Variants in NPAS3 observed in about 807,000 individuals in gnomAD.
The protein encoded by NPAS3 is neuronal PAS domain-containing protein 3.
In NPAS3, 14 loss-of-function variants were observed where a neutral mutation model predicts 73.1. The ratio of observed to expected loss-of-function variants is 0.19; its 90% CI spans 0.13 to 0.30. NPAS3 has a LOEUF of 0.30. Ranked by LOEUF, NPAS3 falls within the 10% of genes least tolerant of loss-of-function variation. The pLI is 1.00. For missense variants in NPAS3, 1,096 were observed against 1,250.0 expected, an observed-to-expected ratio of 0.88 and a Z score of 1.86; for synonymous variants, 620 against 541.5, an observed-to-expected ratio of 1.14 and a Z score of -2.01.
intron 5 of NPAS3, among the ~76,000 whole-genome samples, chr14:33,638,162 CTGTT>C (rs569719649): frequency 5.7e-4 from 87 of 152,294 alleles, no homozygotes; most frequent in Non-Finnish European, 1.0e-3. Context: ...GCACTAGTGA[CTGTT>C]TGAATTCGGT....
chr14:33,087,187 TAA>T (rs2042061108), intron 2 of NPAS3, among the ~76,000 whole-genome samples: 1 of 137,570 alleles, frequency 7.3e-6, no homozygotes, highest in Non-Finnish European at 1.6e-5. Context: ...GTATACAATA[TAA>T]TATTGTATAA....
intron 5 of NPAS3, chr14:33,583,525 A>C (rs549154575): frequency 6.6e-6 from 1 of 152,312 alleles, no homozygotes; most frequent in Admixed American, 6.5e-5. Flanking sequence ...TCTATGAAGG[A>C]AAAAGATGAG....
chr14:33,618,477 C>T (rs1355330246), intron 5 of NPAS3, among the ~76,000 whole-genome samples: 1 of 152,012 alleles, frequency 6.6e-6, no homozygotes. Flanking sequence ...GGTCCATGCT[C>T]CTATGAAGAT....
chr14:33,412,830 C>T (rs919994291), intron 4 of NPAS3, among the ~76,000 whole-genome samples: 1 of 152,168 alleles, frequency 6.6e-6, no homozygotes, highest in Non-Finnish European at 1.5e-5. Flanking sequence ...AACCATAACA[C>T]TGCCAGTGCT....
chr14:33,585,807 G>A (rs1304186668), intron 5 of NPAS3, among the ~76,000 whole-genome samples: 1 of 152,156 alleles, frequency 6.6e-6, no homozygotes, highest in East Asian at 1.9e-4. Flanking sequence ...CAAAATGTGG[G>A]CTTGAAAACT....
intron 5 of NPAS3, among the ~76,000 whole-genome samples, chr14:33,665,622 C>T (rs563487283): frequency 2.6e-5 from 4 of 152,168 alleles, no homozygotes; most frequent in East Asian, 1.9e-4. Context: ...ATCTCATGTA[C>T]CCCATGAATA....
rs1233227950 is a variant in NPAS3, at chr14:33,679,533, GAACTCTGAT to G, written c.733+3151_733+3159del. Among the ~76,000 whole-genome samples the G allele has an allele frequency of 6.6e-5, 10 of 152,228 alleles. No individual in the cohort carries two copies. The South Asian group carries it at 1.7e-3, about 25-fold the overall frequency. On this transcript the variant is annotated intron_variant, in intron 6 of 11. Coordinates refer to ENST00000356141, the Ensembl canonical transcript of NPAS3. ...GTTGTTCATTGCATCATAATCTCTT[GAACTCTGAT>G]AAAACACAGATTCTTTTTTAAACGG...
chr14:33,443,210 A>G (rs555276541), intron 4 of NPAS3, among the ~76,000 whole-genome samples: 23 of 152,198 alleles, frequency 1.5e-4, no homozygotes, highest in Admixed American at 3.9e-4. Flanking sequence ...TCTATCGAAT[A>G]TGCTGCTAAA....
chr14:33,800,593 CGGCGGCGGGGGCGGGGGCGGG>C lies in NPAS3; in HGVS notation c.2295_2315del (p.Gly766_Gly772del), dbSNP rs1307773557. On this transcript the variant is annotated inframe_deletion, in exon 12 of 12. Coordinates refer to ENST00000356141, the Ensembl canonical transcript of NPAS3. The surrounding 1 kb of genome is among the most constrained non-coding windows in gnomAD (Gnocchi z 6.5). Reference sequence around the variant, plus strand: ...CCCCGCGGGACAAGCACCCCGGGAACGGCGGCGGGGGCGGGGGCGGGGGCGGCGGCGCGGGGGGCGGCGGCC... The same window carrying C: ...CCCCGCGGGACAAGCACCCCGGGAACGGCGGCGGCGCGGGGGGCGGCGGCC... 1.3e-5 allele frequency: 17 copies of C among 1,300,974 alleles called. 1 individual carries two copies. In the Admixed American group the frequency reaches 6.8e-4, roughly 52 times the overall value. The allele number at this position is 1,300,974 out of a possible 1,614,324, so 80.6% of individuals were successfully genotyped here. A position where few individuals can be genotyped will look rare whatever the true frequency, so the allele number is the denominator to read the frequency against.
intron 7 of NPAS3, among the ~76,000 whole-genome samples, chr14:33,754,061 T>C (rs1175638740): frequency 6.6e-6 from 1 of 152,078 alleles, no homozygotes; most frequent in African/African-American, 2.4e-5. Flanking sequence ...TAACCAGTGA[T>C]ATGAAAAGCA....
At chr14:33,297,781 C>T (rs2042362465) in intron 3 of NPAS3, among the ~76,000 whole-genome samples, 1 of 152,186 alleles carries the variant, frequency 6.6e-6, no homozygotes, top group African/African-American at 2.4e-5. Flanking sequence ...TCTGAGCTCG[C>T]TAGTTCACTG....
At chr14:33,584,414 G>GAAA (rs1432664061) in intron 5 of NPAS3, among the ~76,000 whole-genome samples, 55,895 of 139,400 alleles carry the variant, frequency 0.4, 10,564 homozygotes, top group Middle Eastern at 0.43. Context: ...AAAAAAAAAG[G>GAAA]GGGATCAATA....
At position 33,198,611 on chromosome 14, in the gene NPAS3, A is replaced by T. The variant is rs28817687; in HGVS notation, c.141-16571A>T. Among the ~76,000 whole-genome samples the T allele has an allele frequency of 6.8e-3, 1,035 of 152,306 alleles. 13 individuals are homozygous for T. Among genetic ancestry groups the T allele is most frequent in the African/African-American group, 0.024 (999 of 41,566 alleles). On this transcript the variant is annotated intron_variant, in intron 2 of 11. Coordinates refer to ENST00000356141, the Ensembl canonical transcript of NPAS3. ...ACATAGAGTGCTGATTGGTGTATTT[A>T]TACTCCTTTGGCTAGACATAAAAGT... is the stretch of plus-strand genomic sequence containing the variant.
At chr14:33,373,517 G>A (rs944701757) in intron 4 of NPAS3, among the ~76,000 whole-genome samples, 35 of 151,890 alleles carry the variant, frequency 2.3e-4, no homozygotes, top group African/African-American at 8.2e-4. Context: ...GATCATAAAA[G>A]TAAGTTTTGT....
intron 5 of NPAS3, among the ~76,000 whole-genome samples, chr14:33,660,732 C>G (rs1377787519): frequency 6.6e-6 from 1 of 152,154 alleles, no homozygotes; most frequent in Non-Finnish European, 1.5e-5. Flanking sequence ...ATCCCGGGTT[C>G]TTCTGCAGAA....
At chr14:32,951,556 G>GT (rs1310882425) in intron 1 of NPAS3, among the ~76,000 whole-genome samples, 2 of 151,998 alleles carry the variant, frequency 1.3e-5, no homozygotes, top group African/African-American at 4.8e-5. Context: ...AAGACTCAAT[G>GT]TAACACTAAA....
chr14:33,551,405 A>T (rs1371562925), intron 4 of NPAS3, among the ~76,000 whole-genome samples: 1 of 152,210 alleles, frequency 6.6e-6, no homozygotes, highest in Non-Finnish European at 1.5e-5. Context: ...CCCACTGCCC[A>T]GTAAACAGTC....
intron 4 of NPAS3, among the ~76,000 whole-genome samples, chr14:33,527,059 A>G (rs934782715): frequency 1.3e-5 from 2 of 152,286 alleles, no homozygotes; most frequent in East Asian, 3.9e-4. Context: ...TATTCAGTGT[A>G]GCAAATGCCT....
chr14:33,080,981 G>A lies in NPAS3; in HGVS notation c.140+24987G>A, dbSNP rs993580769. The stretch of plus-strand genomic sequence containing the variant: ...CCGTTTGTTAATAAGTGTTATTTGG[G>A]AAGTAGGTTAGGTGATTTGGTAAAC... On this transcript the variant is annotated intron_variant, in intron 2 of 11. Transcript: ENST00000356141. 2.6e-5 allele frequency among the ~76,000 whole-genome samples: 4 copies of A among 152,140 alleles called. No homozygotes were observed. In the East Asian group the frequency reaches 7.7e-4, roughly 29 times the overall value.
Sources: gnomAD v4.1 joint callset for allele counts (sites outside exome capture counted in the v4.1 genomes callset) on GRCh38, gnomAD v4.1.1 for gene constraint, Gnocchi (gnomAD v3.1) non-coding constraint, MANE v1.5 for transcripts, NCBI Gene and HGNC (gene_info 2026-07-23, HGNC 2026-07-21) for gene names.